Variants in CPVL observed in about 807,000 individuals in gnomAD.
CPVL encodes the protein probable serine carboxypeptidase CPVL.
A neutral mutation model predicts 63.7 loss-of-function variants in CPVL; 51 were observed. The observed-to-expected ratio is 0.80, with a 90% confidence interval of 0.64 to 1.01. CPVL has a LOEUF of 1.01. CPVL is among the 50% of genes least tolerant of loss of function. The pLI is 0.00. For missense variants in CPVL, 530 were observed against 573.1 expected (o/e 0.92, Z 0.77); for synonymous variants, 195 against 206.0 (o/e 0.95, Z 0.46).
chr7:29,156,977 A>G (rs983490357), intron 5 of CPVL, among the ~76,000 whole-genome samples: 5 of 152,090 alleles, frequency 3.3e-5, no homozygotes, highest in African/African-American at 1.2e-4. Context: ...TTCGAGCTCA[A>G]TTTTCTTTTT....
At chr7:29,069,310 G>A (rs371045740) in intron 9 of CPVL, among the ~76,000 whole-genome samples, 1 of 151,720 alleles carries the variant, frequency 6.6e-6, no homozygotes, top group African/African-American at 2.4e-5. Flanking sequence ...TCGTGGTGGC[G>A]AGTGCCTGTA....
intron 4 of CPVL, among the ~76,000 whole-genome samples, chr7:29,183,813 C>A (rs982383861): frequency 6.6e-6 from 1 of 152,066 alleles, no homozygotes; most frequent in Non-Finnish European, 1.5e-5. Context: ...CATATGCAGT[C>A]AGCTCTCTAT....
intron 4 of CPVL, 29 bp from the exon 5 acceptor site, chr7:29,095,171 A>G (rs1379932756): frequency 1.3e-6 from 2 of 1,597,394 alleles, no homozygotes; most frequent in Non-Finnish European, 1.7e-6. Flanking sequence ...GGGGTGAGAT[A>G]GAGTCGTGGA....
At chr7:29,033,738 C>T (rs1162475684) in intron 11 of CPVL, among the ~76,000 whole-genome samples, 3 of 152,224 alleles carry the variant, frequency 2.0e-5, no homozygotes, top group Non-Finnish European at 2.9e-5. Context: ...TCTCCAGCGA[C>T]GTACTAGGCA....
At chr7:29,166,431 A>G (rs976348798) in intron 5 of CPVL, among the ~76,000 whole-genome samples, 18 of 152,134 alleles carry the variant, frequency 1.2e-4, no homozygotes, top group African/African-American at 1.2e-4. Context: ...CAGAGAAGCC[A>G]TCTTGGCTTG....
chr7:29,109,813 C>T (rs1274630784), intron 3 of CPVL, among the ~76,000 whole-genome samples: 1 of 152,134 alleles, frequency 6.6e-6, no homozygotes, highest in Non-Finnish European at 1.5e-5. Context: ...AAGAACATAA[C>T]CTGGTCAGGG....
chr7:29,125,884 C>T (rs993242053), intron 1 of CPVL, among the ~76,000 whole-genome samples: 1 of 152,254 alleles, frequency 6.6e-6, no homozygotes, highest in Middle Eastern at 3.4e-3. Context: ...TTAGAAACAA[C>T]TCTGTAATAA....
chr7:29,029,084 C>A (rs926918602), intron 12 of CPVL, among the ~76,000 whole-genome samples: 7 of 151,810 alleles, frequency 4.6e-5, no homozygotes, highest in Non-Finnish European at 1.0e-4. Context: ...CAGGGAAACG[C>A]AAATTAAAAC....
chr7:29,109,897 G>C (rs925089041), intron 3 of CPVL, among the ~76,000 whole-genome samples: 6 of 152,148 alleles, frequency 3.9e-5, no homozygotes, highest in Non-Finnish European at 5.9e-5. Context: ...TTTAATGAAG[G>C]GGGTTTTCAG....
intron 11 of CPVL, among the ~76,000 whole-genome samples, chr7:29,051,889 TATATAA>T (rs981201337): frequency 6.7e-6 from 1 of 149,818 alleles, no homozygotes; most frequent in Non-Finnish European, 1.5e-5. Context: ...AACTGTGGTA[TATATAA>T]ATATAAATAT....
intron 5 of CPVL, among the ~76,000 whole-genome samples, chr7:29,166,542 T>C (rs1383642276): frequency 6.6e-6 from 1 of 152,190 alleles, no homozygotes; most frequent in South Asian, 2.1e-4. Flanking sequence ...ATAACTTTAA[T>C]AGCTATTGAG....
chr7:29,101,363 G>A (rs1787099480), intron 3 of CPVL, among the ~76,000 whole-genome samples: 1 of 152,312 alleles, frequency 6.6e-6, no homozygotes, highest in South Asian at 2.1e-4. Flanking sequence ...CACTTTGGGA[G>A]GCTGAGGCGG....
intron 11 of CPVL, among the ~76,000 whole-genome samples, chr7:29,043,131 C>T (rs1789282005): frequency 1.3e-5 from 2 of 152,162 alleles, no homozygotes. Flanking sequence ...TTATCAATCC[C>T]CACACCCCCT....
chr7:29,129,607 TA>T (rs1253532096), intron 1 of CPVL, among the ~76,000 whole-genome samples: 1 of 152,014 alleles, frequency 6.6e-6, no homozygotes, highest in African/African-American at 2.4e-5. Flanking sequence ...TAGCTGGGGC[TA>T]CAGGTGTGTG....
intron 11 of CPVL, among the ~76,000 whole-genome samples, chr7:29,053,091 C>A (rs1382827966): frequency 3.3e-5 from 5 of 152,166 alleles, no homozygotes; most frequent in African/African-American, 1.2e-4. Flanking sequence ...AAATGCCAAT[C>A]AAAGCCCAAT....
intron 12 of CPVL, among the ~76,000 whole-genome samples, chr7:29,029,592 G>A (rs2128152125): frequency 6.6e-6 from 1 of 152,302 alleles, no homozygotes; most frequent in South Asian, 2.1e-4. Context: ...ACATGTGGGA[G>A]CGTAAAAAGT....
intron 3 of CPVL, among the ~76,000 whole-genome samples, chr7:29,104,876 C>A (rs1269295178): frequency 4.6e-5 from 7 of 152,170 alleles, no homozygotes; most frequent in African/African-American, 1.7e-4. Context: ...TTCATTTCCA[C>A]AAAGGAAATC....
chr7:28,996,951 C>T (rs1344300177), intron 12 of CPVL, among the ~76,000 whole-genome samples: 1 of 152,148 alleles, frequency 6.6e-6, no homozygotes, highest in Non-Finnish European at 1.5e-5. Flanking sequence ...TGTAGACTCA[C>T]CAGTTCTGAC....
At chr7:29,159,255 G>A (rs572801587) in intron 5 of CPVL, among the ~76,000 whole-genome samples, 1 of 152,304 alleles carries the variant, frequency 6.6e-6, no homozygotes, top group Non-Finnish European at 1.5e-5. Flanking sequence ...TGCAGAAGAG[G>A]AAACTGAGCA....
Sources: allele counts gnomAD v4.1 joint callset (sites outside exome capture counted in the v4.1 genomes callset), GRCh38; gene constraint gnomAD v4.1.1; transcripts MANE v1.5; gene names NCBI Gene and HGNC (gene_info 2026-07-23, HGNC 2026-07-21).